CCNJL: variants seen among roughly 807,000 people sequenced by gnomAD.
CCNJL encodes the protein cyclin J like.
CCNJL carries 33 observed loss-of-function variants against 33.4 expected under a neutral mutation model. That is an observed-to-expected ratio of 0.99 (90% CI 0.75 to 1.32). CCNJL has a LOEUF of 1.32. CCNJL is among the 40% of genes most tolerant of loss of function. The pLI, the probability that CCNJL is intolerant of heterozygous loss-of-function variation, is 0.00. For missense variants in CCNJL, 512 were observed against 499.7 expected (o/e 1.02, Z -0.23); for synonymous variants, 227 against 220.9 (o/e 1.03, Z -0.24).
intron 3 of CCNJL, among the ~76,000 whole-genome samples, chr5:160,277,648 G>A (rs1762059570): frequency 6.6e-6 from 1 of 152,078 alleles, no homozygotes. Context: ...CTCCTCCTGT[G>A]GCCCGCAGAC....
Position 160,322,740 on chromosome 5 carries a change from T to C in CCNJL, n.207-7235A>G, listed in dbSNP as rs112176752. On this transcript the variant is annotated intron_variant and non_coding_transcript_variant, in intron 1 of 7. Coordinates refer to the CCNJL transcript ENST00000377503. ...GGCCAATATGGTGAAACCCCATCTC[T>C]ACTAAAGCTACAAAAATTAGCTGGG... Among the ~76,000 whole-genome samples the C allele has an allele frequency of 4.0e-3, 601 of 148,438 alleles. 3 individuals carry two copies. Among genetic ancestry groups the C allele is most frequent in the African/African-American group, 0.014 (573 of 40,272 alleles).
chr5:160,332,989 C>T (rs932797292), intron 1 of CCNJL, among the ~76,000 whole-genome samples: 11 of 152,136 alleles, frequency 7.2e-5, no homozygotes, highest in African/African-American at 1.7e-4. Flanking sequence ...ACCTCATCAA[C>T]GATTCTCTTC....
At chr5:160,293,382 C>T (rs1336373254) in intron 2 of CCNJL, among the ~76,000 whole-genome samples, 2 of 152,064 alleles carry the variant, frequency 1.3e-5, no homozygotes, top group East Asian at 3.9e-4. Flanking sequence ...GGCTGCATTC[C>T]AGCCTGGGTG....
intron 4 of CCNJL, among the ~76,000 whole-genome samples, chr5:160,256,800 C>G (rs991215215): frequency 6.6e-6 from 1 of 151,920 alleles, no homozygotes; most frequent in Non-Finnish European, 1.5e-5. Context: ...CGCCTGTAAT[C>G]CCAGCTACTT....
intron 2 of CCNJL, among the ~76,000 whole-genome samples, chr5:160,294,339 C>G (rs894289115): frequency 6.6e-6 from 1 of 152,206 alleles, no homozygotes; most frequent in African/African-American, 2.4e-5. Flanking sequence ...CCAACAATGC[C>G]CGTAACGTCC....
intron 2 of CCNJL, among the ~76,000 whole-genome samples, chr5:160,299,156 A>AT (rs201448534): frequency 0.08 from 12,167 of 151,532 alleles, 1,659 homozygotes; most frequent in African/African-American, 0.28. Flanking sequence ...TTTAAAAAAA[A>AT]ATTTTTTTTT....
chr5:160,265,848 G>A (rs921108547), intron 3 of CCNJL, among the ~76,000 whole-genome samples: 2 of 143,654 alleles, frequency 1.4e-5, no homozygotes, highest in African/African-American at 2.7e-5. Context: ...GCGAGACTCC[G>A]TCTCCAGGGG....
rs373108109 is a variant in CCNJL, at chr5:160,253,564, T to C, written c.978A>G (p.Thr326=). ...HRSGSLLSGS[T]GSSLHTPYQP... is the part of the protein sequence containing the mutation. Reference sequence around the variant, plus strand: ...GGTACGGGGTGTGGAGGGATGAGCCTGTACTCCCCGAGAGCAGGCTCCCTG... The same window carrying C: ...GGTACGGGGTGTGGAGGGATGAGCCCGTACTCCCCGAGAGCAGGCTCCCTG... Residue 326 remains threonine (T), a synonymous_variant, in exon 6 of 6, where the codon ACA becomes ACG. Coordinates refer to ENST00000257536, the MANE Select transcript of CCNJL (RefSeq NM_001308173.3). The C allele has an allele frequency of 3.1e-5, 50 of 1,614,136 alleles. No individual in the cohort carries two copies. In the African/African-American group the frequency reaches 5.7e-4, roughly 18 times the overall value.
At chr5:160,300,338 A>T (rs1322132433) in intron 2 of CCNJL, among the ~76,000 whole-genome samples, 1 of 152,130 alleles carries the variant, frequency 6.6e-6, no homozygotes, top group African/African-American at 2.4e-5. Context: ...CCCTTGATGC[A>T]GGTCTCAGCC....
At chr5:160,270,287 T>G (rs1001442471) in intron 3 of CCNJL, among the ~76,000 whole-genome samples, 2 of 152,000 alleles carry the variant, frequency 1.3e-5, no homozygotes, top group Non-Finnish European at 2.9e-5. Flanking sequence ...CTACTAAAAA[T>G]ACAAAAATTA....
intron 2 of CCNJL, among the ~76,000 whole-genome samples, chr5:160,302,369 G>A (rs542640957): frequency 1.3e-5 from 2 of 152,204 alleles, no homozygotes; most frequent in East Asian, 3.9e-4. Flanking sequence ...AAAAGAAAAT[G>A]ACCAAAAGGA....
intron 1 of CCNJL, among the ~76,000 whole-genome samples, chr5:160,338,861 A>G (rs1012558190): frequency 2.0e-5 from 3 of 151,938 alleles, no homozygotes; most frequent in African/African-American, 4.8e-5. Flanking sequence ...GCGCGATCTC[A>G]GCTCATTGCC....
chr5:160,320,799 TTC>T (rs1491137698), intron 1 of CCNJL, among the ~76,000 whole-genome samples: 2 of 57,674 alleles, frequency 3.5e-5, no homozygotes, highest in Non-Finnish European at 4.0e-5. Flanking sequence ...CTTTCTTTCT[TTC>T]TTTCTTTCTT....
chr5:160,268,104 G>A lies in CCNJL; in HGVS notation c.281-8333C>T, dbSNP rs574222952. On this transcript the variant is annotated intron_variant, in intron 3 of 5. Coordinates refer to ENST00000257536, the MANE Select transcript of CCNJL (RefSeq NM_001308173.3). ...GACTTCTTGCAGTTATTGAAGGCAAGAAAGGTGCTTCCTACTCTTGGCAAA... is the reference window on the plus strand; with the variant it reads ...GACTTCTTGCAGTTATTGAAGGCAAAAAAGGTGCTTCCTACTCTTGGCAAA... Among the ~76,000 whole-genome samples, 10 of 152,342 alleles carry A rather than the reference G, an allele frequency of 6.6e-5. No homozygotes were observed. In the South Asian group the frequency reaches 1.9e-3, roughly 28 times the overall value.
chr5:160,263,883 C>A (rs190529816), intron 3 of CCNJL, among the ~76,000 whole-genome samples: 7 of 151,382 alleles, frequency 4.6e-5, no homozygotes, highest in Admixed American at 3.9e-4. Context: ...ATTCCATCTA[C>A]ATTTTTCTTT....
intron 2 of CCNJL, among the ~76,000 whole-genome samples, chr5:160,301,379 G>C (rs1762913598): frequency 6.6e-6 from 1 of 151,896 alleles, no homozygotes. Flanking sequence ...ATTGCCTAAG[G>C]CTGGGGGCAG....
intron 1 of CCNJL, among the ~76,000 whole-genome samples, chr5:160,339,044 C>A (rs1202422836): frequency 6.6e-6 from 1 of 152,092 alleles, no homozygotes; most frequent in Non-Finnish European, 1.5e-5. Context: ...ACCTCGGACT[C>A]CCAAAGTGCT....
intron 2 of CCNJL, among the ~76,000 whole-genome samples, chr5:160,295,635 T>C (rs1336829880): frequency 1.3e-5 from 2 of 151,524 alleles, no homozygotes; most frequent in African/African-American, 2.4e-5. Context: ...GAAGACGAGG[T>C]GAGGACAGAC....
intron 4 of CCNJL, among the ~76,000 whole-genome samples, 169 bp downstream of exon 4, chr5:160,259,300 T>G (rs1483937295): frequency 6.6e-6 from 1 of 152,234 alleles, no homozygotes. Context: ...ACTGGGCGAA[T>G]CCTTGCCCTT....
Sources: gnomAD v4.1 joint callset for allele counts (sites outside exome capture counted in the v4.1 genomes callset) on GRCh38, gnomAD v4.1.1 for gene constraint, MANE v1.5 for transcripts, NCBI Gene and HGNC (gene_info 2026-07-23, HGNC 2026-07-21) for gene names.